The following KCNJ6 variants were observed in gnomAD, a reference collection of about 807,000 sequenced individuals.
The protein encoded by KCNJ6 is potassium inwardly rectifying channel subfamily J member 6.
In KCNJ6, 9 loss-of-function variants were observed where a neutral mutation model predicts 34.2. The ratio of observed to expected loss-of-function variants is 0.26; its 90% CI spans 0.16 to 0.46. The LOEUF is 0.46. Ranked by LOEUF, KCNJ6 falls within the 20% of genes least tolerant of loss-of-function variation. The probability of loss-of-function intolerance (pLI) is 1.00; values close to 1 mark genes in which losing one functional copy is unlikely to be tolerated. For missense variants in KCNJ6, 236 were observed against 531.3 expected, an observed-to-expected ratio of 0.44 and a Z score of 5.46; for synonymous variants, 196 against 207.1, an observed-to-expected ratio of 0.95 and a Z score of 0.46.
intron 1 of KCNJ6, among the ~76,000 whole-genome samples, chr21:37,886,097 G>A (rs1054953383): frequency 6.6e-6 from 1 of 152,108 alleles, no homozygotes; most frequent in African/African-American, 2.4e-5. Context: ...AAAGAATGAG[G>A]ATCCTCCACT....
In KCNJ6 at chr21:37,619,652, T is replaced by C. The variant is rs975365786; in HGVS notation, c.*5507A>G. The C allele has an allele frequency of 1.3e-5, 2 of 152,196 alleles. No homozygotes were observed. Among genetic ancestry groups the C allele is most frequent in the African/African-American group, 4.8e-5 (2 of 41,436 alleles). 9.4% of individuals were successfully genotyped at this position (152,196 alleles called of 1,614,324 possible). A position where few individuals can be genotyped will look rare whatever the true frequency, so the allele number is the denominator to read the frequency against. ...CAGAGGGAGACATCTGGGCCACCTA[T>C]TTAACTCTCCTCCAAGAGAGCCTAA... On this transcript the variant is annotated 3_prime_UTR_variant, in exon 4 of 4. Transcript: ENST00000609713.
chr21:37,895,559 A>T (rs1481758337), intron 1 of KCNJ6, among the ~76,000 whole-genome samples: 1 of 152,164 alleles, frequency 6.6e-6, no homozygotes, highest in Non-Finnish European at 1.5e-5. Context: ...CATTCTTTGG[A>T]AGCACCTGAA....
intron 1 of KCNJ6, among the ~76,000 whole-genome samples, chr21:37,853,913 C>T (rs1011120702): frequency 1.4e-4 from 20 of 139,482 alleles, no homozygotes; most frequent in Non-Finnish European, 2.8e-4. Context: ...CCTAGAACAG[C>T]CACTGAAAAA....
Position 37,804,668 on chromosome 21 carries a change from C to A in KCNJ6, c.25+35990G>T, listed in dbSNP as rs193011974. On this transcript the variant is annotated intron_variant, in intron 2 of 3. Transcript: ENST00000609713. ...GCTCCCCCTTATAAGTGAGAACATG[C>A]GGTATTTGGTTTTCTGTTCCTGCAT... Among the ~76,000 whole-genome samples, 336 of 152,224 alleles carry A rather than the reference C, an allele frequency of 2.2e-3. 2 individuals carry two copies. The highest frequency in any genetic ancestry group is 7.5e-3 in the African/African-American group (313 of 41,526).
At chr21:37,673,656 G>A (rs923524128) in intron 3 of KCNJ6, among the ~76,000 whole-genome samples, 1 of 152,220 alleles carries the variant, frequency 6.6e-6, no homozygotes, top group African/African-American at 2.4e-5. Flanking sequence ...GCACTGACAT[G>A]CATAACCAGC....
intron 2 of KCNJ6, among the ~76,000 whole-genome samples, chr21:37,830,419 A>G (rs1021247109): frequency 7.3e-5 from 11 of 151,474 alleles, no homozygotes; most frequent in African/African-American, 2.7e-4. Flanking sequence ...ATTTTCAACT[A>G]CTCCCCTGGG....
chr21:37,766,389 GA>G (rs1301521745), intron 2 of KCNJ6, among the ~76,000 whole-genome samples: 1 of 152,224 alleles, frequency 6.6e-6, no homozygotes, highest in East Asian at 1.9e-4. Context: ...TGCAGGGACA[GA>G]AGGGATGGGG....
At chr21:37,669,552 T>C (rs2054532319) in intron 3 of KCNJ6, among the ~76,000 whole-genome samples, 1 of 149,976 alleles carries the variant, frequency 6.7e-6, no homozygotes, top group Non-Finnish European at 1.5e-5. Context: ...GTAGGTGGTG[T>C]TGGGGAGCAT....
chr21:37,910,953 TAACA>T (rs1466916312), intron 1 of KCNJ6, among the ~76,000 whole-genome samples: 3 of 152,210 alleles, frequency 2.0e-5, no homozygotes, highest in Non-Finnish European at 4.4e-5. Context: ...TTCAATTTAG[TAACA>T]AATAAATAAA....
At chr21:37,914,875 CAT>C (rs898834810) in intron 1 of KCNJ6, among the ~76,000 whole-genome samples, 19 of 151,720 alleles carry the variant, frequency 1.3e-4, no homozygotes, top group Non-Finnish European at 2.5e-4. Flanking sequence ...ACACTCTAAA[CAT>C]ATAATACATC....
At position 37,672,809 on chromosome 21, in the gene KCNJ6, G is replaced by T. The variant is rs545980856; in HGVS notation, c.946+41402C>A. 3.3e-5 allele frequency among the ~76,000 whole-genome samples: 5 copies of T among 151,872 alleles called. No homozygotes were observed. In the South Asian group the frequency reaches 8.3e-4, roughly 25 times the overall value. On this transcript the variant is annotated intron_variant, in intron 3 of 3. Transcript: ENST00000609713. Reference sequence around the variant, plus strand: ...TCTCTGTTTTCTTGAGATAGGATCTGGCTATGTGGCTAAGGTGGGAGTGCA... The same window carrying T: ...TCTCTGTTTTCTTGAGATAGGATCTTGCTATGTGGCTAAGGTGGGAGTGCA...
At position 37,914,829 on chromosome 21, in the gene KCNJ6, C is replaced by T. The variant is rs1399166414; in HGVS notation, c.-28+1055G>A. ...TTGCTCCCTGTACCGTAGGGCTCCC[C>T]GGGACCGACAGACTTTGGATAACAG... On this transcript the variant is annotated intron_variant, in intron 1 of 3. Coordinates refer to ENST00000609713, the MANE Select transcript of KCNJ6 (RefSeq NM_002240.5). 3.9e-5 allele frequency among the ~76,000 whole-genome samples: 6 copies of T among 152,040 alleles called. No individual in the cohort carries two copies. In the East Asian group the frequency reaches 1.2e-3, roughly 29 times the overall value.
chr21:37,658,347 C>T (rs186545665), intron 3 of KCNJ6, among the ~76,000 whole-genome samples: 12 of 152,344 alleles, frequency 7.9e-5, no homozygotes, highest in African/African-American at 2.9e-4. Context: ...TGCCTACCCA[C>T]GTGGGGGAAT....
rs2055297777 is a variant in KCNJ6 at position 37,807,195 on chromosome 21, G to A, written c.25+33463C>T. Among the ~76,000 whole-genome samples, 3 of 152,180 alleles carry A rather than the reference G, an allele frequency of 2.0e-5. No homozygotes were observed. The South Asian group carries it at 6.2e-4, about 31-fold the overall frequency. ...TTACCCCATATGTCGGGAACATTGA[G>A]TGTAGTTAGCTAATGTTATATAATC... On this transcript the variant is annotated intron_variant, in intron 2 of 3. Coordinates refer to ENST00000609713, the MANE Select transcript of KCNJ6 (RefSeq NM_002240.5).
intron 2 of KCNJ6, among the ~76,000 whole-genome samples, chr21:37,763,890 G>A (rs1463386236): frequency 6.6e-6 from 1 of 152,116 alleles, no homozygotes; most frequent in Non-Finnish European, 1.5e-5. Context: ...CATGGAACAT[G>A]TATGTTCATA....
chr21:37,815,412 A>G (rs2055342062), intron 2 of KCNJ6, among the ~76,000 whole-genome samples: 1 of 152,178 alleles, frequency 6.6e-6, no homozygotes, highest in Non-Finnish European at 1.5e-5. Context: ...TACCCACGAA[A>G]ATTAAAAATA....
intron 2 of KCNJ6, among the ~76,000 whole-genome samples, chr21:37,773,593 G>A (rs568923036): frequency 5.9e-5 from 9 of 152,002 alleles, no homozygotes; most frequent in Admixed American, 3.9e-4. Flanking sequence ...TGGAATTGTC[G>A]ACTTCTGTTT....
intron 1 of KCNJ6, among the ~76,000 whole-genome samples, chr21:37,890,785 T>G (rs1220210460): frequency 2.0e-5 from 3 of 152,016 alleles, no homozygotes. Flanking sequence ...TCGGTACAAT[T>G]CAGGAGAACA....
intron 3 of KCNJ6, among the ~76,000 whole-genome samples, chr21:37,659,287 C>T (rs1216113775): frequency 6.6e-6 from 1 of 152,192 alleles, no homozygotes; most frequent in Non-Finnish European, 1.5e-5. Context: ...GAACTGAGCA[C>T]CAAATAAGTC....
Sources: allele counts gnomAD v4.1 joint callset (sites outside exome capture counted in the v4.1 genomes callset), GRCh38; gene constraint gnomAD v4.1.1; transcripts MANE v1.5; gene names NCBI Gene and HGNC (gene_info 2026-07-23, HGNC 2026-07-21).